The following ZFP92 variants were observed in gnomAD, a reference collection of about 807,000 sequenced individuals.
ZFP92 encodes zinc finger protein 92 homolog.
ZFP92 carries 2 observed loss-of-function variants against 7.6 expected under a neutral mutation model. That is an observed-to-expected ratio of 0.26 (90% CI 0.11 to 0.83). ZFP92 has a LOEUF of 0.83. Ranked by LOEUF, ZFP92 falls within the 40% of genes least tolerant of loss-of-function variation. The probability of loss-of-function intolerance (pLI) is 0.65; values close to 1 mark genes in which losing one functional copy is unlikely to be tolerated. For synonymous variants in ZFP92, 226 were observed against 183.6 expected (o/e 1.23, Z -1.87); for missense variants, 324 against 408.3 (o/e 0.79, Z 1.78).
intron 2 of ZFP92, among the ~76,000 whole-genome samples, chrX:153,413,880 C>T (rs1284333503): frequency 1.8e-5 from 2 of 112,454 alleles, no homozygotes; most frequent in African/African-American, 6.5e-5. Flanking sequence ...CTCTGGGTGA[C>T]GGCTTGGTGT....
rs2089019346 is a variant in ZFP92, at chrX:153,423,228, T to A, written c.*1600T>A. The A allele has an allele frequency of 9.1e-6, 1 of 110,000 alleles. No individual in the cohort carries two copies. The highest frequency in any genetic ancestry group is 3.3e-5 in the African/African-American group (1 of 30,178). 9.1% of individuals were successfully genotyped at this position (110,000 alleles called of 1,213,427 possible). On this transcript the variant is annotated 3_prime_UTR_variant, in exon 6 of 6. Coordinates refer to ENST00000338647, the MANE Select transcript of ZFP92 (RefSeq NM_001136273.2). ...CTCCCAGGGGAGAGGGGGTTTTTCATCCACAAGGCCTGAGGGCAGGTGGGT... is the reference window on the plus strand; with the variant it reads ...CTCCCAGGGGAGAGGGGGTTTTTCAACCACAAGGCCTGAGGGCAGGTGGGT...
At chrX:153,418,522 G>A in intron 3 of ZFP92, 151 bp from the exon 4 acceptor site, 7 of 979,405 alleles carry the variant, frequency 7.1e-6, no homozygotes, top group Non-Finnish European at 8.3e-6. Flanking sequence ...TGTGCTGCCT[G>A]TTTTTCTGTC....
At chrX:153,418,196 C>A in intron 2 of ZFP92, 109 bp from the exon 3 acceptor site, 1 of 883,964 alleles carries the variant, frequency 1.1e-6, no homozygotes, top group Non-Finnish European at 1.6e-6. Flanking sequence ...CCACAGGTGG[C>A]CGCTGTGCTT....
chrX:153,421,253 C>A lies in ZFP92; in HGVS notation c.876C>A (p.Tyr292Ter). 1 of 1,175,597 alleles carries A rather than the reference C, an allele frequency of 8.5e-7. No individual in the cohort carries two copies. Among genetic ancestry groups the A allele is most frequent in the Non-Finnish European group, 1.1e-6 (1 of 877,870 alleles). Residue 292 changes from tyrosine to a stop codon, truncating the protein, a stop_gained, in exon 6 of 6, where the codon TAC (tyrosine) becomes TAA (stop). Transcript: ENST00000338647. LOFTEE classifies it low-confidence loss of function (END_TRUNC). The stretch of plus-strand genomic sequence containing the variant: ...GCACGCACCGCGGCGAGAAGCCCTA[C>A]GCCTGCGGCCAGTGCGCCAAGGCCT... ...HQRTHRGEKP[Y>*]ACGQCAKAFK... is the part of the protein sequence containing the mutation.
chrX:153,418,337 C>A lies in ZFP92; in HGVS notation c.15C>A (p.Leu5=), dbSNP rs1215324350. MAAI[L]LTTRPKVPVS... ...GCGCCCTGGTGATGGCAGCCATTCT[C>A]CTGACCACGAGACCCAAGGTGAGTG... is the stretch of plus-strand genomic sequence containing the variant. Residue 5 remains leucine (L), a synonymous_variant, in exon 3 of 6, where the codon CTC becomes CTA. Transcript: ENST00000338647. 4 of 1,165,945 alleles carry A rather than the reference C, an allele frequency of 3.4e-6. No individual in the cohort carries two copies. The African/African-American group carries it at 7.2e-5, about 21-fold the overall frequency.
intron 3 of ZFP92, 135 bp from the exon 4 acceptor site, chrX:153,418,538 A>G (rs782461026): frequency 1.5e-4 from 152 of 989,510 alleles, no homozygotes; most frequent in Middle Eastern, 3.6e-4. Context: ...CTGTCTTACA[A>G]CTCGTGCAAC....
In ZFP92 at chrX:153,414,268, T is replaced by C. The variant is rs1432103233; in HGVS notation, c.-19+2255T>C. Among the ~76,000 whole-genome samples the C allele has an allele frequency of 3.6e-5, 4 of 112,585 alleles. No homozygotes were observed. The Admixed American group carries it at 3.7e-4, about 11-fold the overall frequency. ...CAGTGTGTTATAATGAAATGAGGTGTGGCCTGCGGACATTAGAATGATTTT... is the reference window on the plus strand; with the variant it reads ...CAGTGTGTTATAATGAAATGAGGTGCGGCCTGCGGACATTAGAATGATTTT... On this transcript the variant is annotated intron_variant, in intron 2 of 5. Coordinates refer to ENST00000338647, the MANE Select transcript of ZFP92 (RefSeq NM_001136273.2).
chrX:153,416,627 C>G (rs1318658407), intron 2 of ZFP92, among the ~76,000 whole-genome samples: 1 of 111,757 alleles, frequency 8.9e-6, no homozygotes, highest in Non-Finnish European at 1.9e-5. Flanking sequence ...AATGGAAATC[C>G]CAGGCAGAGA....
At chrX:153,415,683 A>G (rs2088945770) in intron 2 of ZFP92, among the ~76,000 whole-genome samples, 1 of 111,378 alleles carries the variant, frequency 9.0e-6, no homozygotes, top group African/African-American at 3.3e-5. Context: ...TCTGTTTTCC[A>G]TAGTTTTTTT....
intron 2 of ZFP92, among the ~76,000 whole-genome samples, 155 bp from the exon 3 acceptor site, chrX:153,418,150 T>C (rs1349023743): frequency 8.9e-6 from 1 of 112,056 alleles, no homozygotes; most frequent in Non-Finnish European, 1.9e-5. Flanking sequence ...GGTCTGATGG[T>C]GAGGGGCCCT....
At chrX:153,412,665 C>G (rs1406057879) in intron 2 of ZFP92, among the ~76,000 whole-genome samples, 1 of 111,654 alleles carries the variant, frequency 9.0e-6, no homozygotes, top group Non-Finnish European at 1.9e-5. Flanking sequence ...ATCCCCTGTA[C>G]AAAGGCCCTG....
intron 2 of ZFP92, among the ~76,000 whole-genome samples, chrX:153,414,645 G>A (rs5987103): frequency 0.35 from 39,039 of 110,913 alleles, 5,207 homozygotes; most frequent in Non-Finnish European, 0.42. Flanking sequence ...CACCACGCCC[G>A]GCCAAATTAA....
intron 2 of ZFP92, among the ~76,000 whole-genome samples, chrX:153,413,639 G>T (rs2088927253): frequency 9.1e-6 from 1 of 110,375 alleles, no homozygotes; most frequent in South Asian, 3.9e-4. Flanking sequence ...CTTCTGCTTG[G>T]CCTCTGCTCT....
chrX:153,422,152 G>C lies in ZFP92; in HGVS notation c.*524G>C, dbSNP rs142855092. 2 of 111,872 alleles carry C rather than the reference G, an allele frequency of 1.8e-5. No homozygotes were observed. Among genetic ancestry groups the C allele is most frequent in the African/African-American group, 3.3e-5 (1 of 30,728 alleles). 9.2% of individuals were successfully genotyped at this position (111,872 alleles called of 1,213,427 possible). ...TTCCTCCCTGGGGGTCGTTCCCCTC[G>C]CCCTAAGAGTTGTTAGTGTTCCCAA... is the stretch of plus-strand genomic sequence containing the variant. On this transcript the variant is annotated 3_prime_UTR_variant, in exon 6 of 6. Coordinates refer to ENST00000338647, the MANE Select transcript of ZFP92 (RefSeq NM_001136273.2).
chrX:153,413,084 C>T (rs909190779), intron 2 of ZFP92, among the ~76,000 whole-genome samples: 2 of 110,686 alleles, frequency 1.8e-5, no homozygotes, highest in African/African-American at 3.3e-5. Flanking sequence ...ACTAGGGCCT[C>T]GGGCCAAGGA....
In ZFP92 at chrX:153,423,040, G is replaced by A. The variant is rs1274239499; in HGVS notation, c.*1412G>A. On this transcript the variant is annotated 3_prime_UTR_variant, in exon 6 of 6. Transcript: ENST00000338647. The stretch of plus-strand genomic sequence containing the variant: ...CAAATGGCACTTTACTGAAAGCCAA[G>A]GGGAATTCTCAAGGAAAAGTCTCAG... The A allele has an allele frequency of 2.7e-5, 3 of 111,193 alleles. No homozygotes were observed. The highest frequency in any genetic ancestry group is 3.8e-5 in the Non-Finnish European group (2 of 53,271). The allele number at this position is 111,193 out of a possible 1,213,427, so 9.2% of individuals were successfully genotyped here. A position where few individuals can be genotyped will look rare whatever the true frequency, so the allele number is the denominator to read the frequency against.
At chrX:153,417,035 A>C (rs2088957890) in intron 2 of ZFP92, among the ~76,000 whole-genome samples, 1 of 111,863 alleles carries the variant, frequency 8.9e-6, no homozygotes, top group South Asian at 3.8e-4. Context: ...CCACGACCCA[A>C]ACAACTCCCA....
At chrX:153,420,521 C>T (rs1556974712) in intron 5 of ZFP92, 122 bp from the exon 6 acceptor site, 3 of 1,013,750 alleles carry the variant, frequency 3.0e-6, no homozygotes. Context: ...CTCCTGTCTG[C>T]CTGTGTGATG....
chrX:153,411,832 G>A (rs936111962), intron 1 of ZFP92, among the ~76,000 whole-genome samples, 129 bp downstream of exon 1: 2 of 112,417 alleles, frequency 1.8e-5, no homozygotes, highest in Non-Finnish European at 3.8e-5. Flanking sequence ...CCTGGGAGGC[G>A]GGCTAGCACT....
Sources: gnomAD v4.1 joint callset for allele counts (sites outside exome capture counted in the v4.1 genomes callset) on GRCh38, gnomAD v4.1.1 for gene constraint, MANE v1.5 for transcripts, NCBI Gene and HGNC (gene_info 2026-07-23, HGNC 2026-07-21) for gene names.